Variants in LTBP2 observed in about 807,000 individuals in gnomAD.
The protein encoded by LTBP2 is latent transforming growth factor beta binding protein 2, also known as latent-transforming growth factor beta-binding protein 2.
In LTBP2, 103 loss-of-function variants were observed where a neutral mutation model predicts 210.6. The ratio of observed to expected loss-of-function variants is 0.49; its 90% CI spans 0.42 to 0.58. LTBP2 has a LOEUF of 0.58. LTBP2 is among the 20% of genes least tolerant of loss of function. LTBP2 has a pLI of 0.00. For synonymous variants in LTBP2, 1,007 were observed against 1,015.0 expected (o/e 0.99, Z 0.15); for missense variants, 2,313 against 2,494.5 (o/e 0.93, Z 1.55).
At chr14:74,508,504 C>A (rs1029924414) in intron 24 of LTBP2, 100 bp downstream of exon 24, 66 of 1,533,942 alleles carry the variant, frequency 4.3e-5, no homozygotes, top group Non-Finnish European at 5.8e-5. Context: ...GGACACCACT[C>A]TAGTCTTAGC....
intron 3 of LTBP2, among the ~76,000 whole-genome samples, chr14:74,583,248 T>G (rs889354907): frequency 3.3e-5 from 5 of 152,138 alleles, no homozygotes; most frequent in African/African-American, 1.2e-4. Context: ...CCCCAACTCC[T>G]AGAATGCCCC....
chr14:74,608,169 C>G (rs1301556275), intron 1 of LTBP2, among the ~76,000 whole-genome samples: 1 of 151,892 alleles, frequency 6.6e-6, no homozygotes, highest in East Asian at 1.9e-4. Context: ...ATCCACCCGC[C>G]TCAGCCTCCC....
Position 74,557,716 on chromosome 14 carries a change from A to ACAGTGTATACGTAT in LTBP2, c.831-2024_831-2023insATACGTATACACTG, listed in dbSNP as rs532255421. ...CTCTGTCATTGTCACAATGTCTATG[A>ACAGTGTATACGTAT]ACCACTGTGTATACGACAGTGTCTG... On this transcript the variant is annotated intron_variant, in intron 3 of 35. Coordinates refer to ENST00000261978, the MANE Select transcript of LTBP2 (RefSeq NM_000428.3). Among the ~76,000 whole-genome samples, 348 of 152,234 alleles carry ACAGTGTATACGTAT rather than the reference A, an allele frequency of 2.3e-3. 2 individuals carry two copies. Among genetic ancestry groups the ACAGTGTATACGTAT allele is most frequent in the South Asian group, 0.012 (60 of 4,824 alleles).
chr14:74,512,950 A>C (rs185357778), intron 18 of LTBP2, among the ~76,000 whole-genome samples: 110 of 152,222 alleles, frequency 7.2e-4, no homozygotes, highest in African/African-American at 2.3e-3. Context: ...TTGAAGGAGG[A>C]TGGGCAAAGC....
chr14:74,585,043 T>C (rs1451453263), intron 3 of LTBP2, among the ~76,000 whole-genome samples: 5 of 152,106 alleles, frequency 3.3e-5, no homozygotes, highest in Non-Finnish European at 7.4e-5. Context: ...AAAACTAACC[T>C]GAAAAACGAA....
chr14:74,573,806 A>T (rs1265705322), intron 3 of LTBP2, among the ~76,000 whole-genome samples: 1 of 152,138 alleles, frequency 6.6e-6, no homozygotes, highest in African/African-American at 2.4e-5. Context: ...GCACTTACCT[A>T]TGTGAGCCGG....
chr14:74,509,031 G>A, intron 22 of LTBP2, 79 bp from the exon 23 acceptor site: 4 of 1,597,658 alleles, frequency 2.5e-6, no homozygotes, highest in Middle Eastern at 3.5e-4. Flanking sequence ...AGTCTCCAGA[G>A]GACCTGTCAC....
intron 18 of LTBP2, among the ~76,000 whole-genome samples, chr14:74,515,125 C>T (rs367938435): frequency 6.6e-6 from 1 of 152,168 alleles, no homozygotes; most frequent in Non-Finnish European, 1.5e-5. Flanking sequence ...TTAGCTTATC[C>T]GGTGCTCACA....
Position 74,516,779 on chromosome 14 carries a change from G to C in LTBP2, c.2908+43C>G, listed in dbSNP as rs553423480. 6 of 1,532,310 alleles carry C rather than the reference G, an allele frequency of 3.9e-6. No individual in the cohort carries two copies. In the East Asian group the frequency reaches 9.9e-5, roughly 25 times the overall value. The allele number at this position is 1,532,310 out of a possible 1,614,324, so 94.9% of individuals were successfully genotyped here. Reference sequence around the variant, plus strand: ...GGCAGTGCGTAGGGAGGGACAGGTGGGTGGTGGGGTGGCAGGGCGCTTCCC... The same window carrying C: ...GGCAGTGCGTAGGGAGGGACAGGTGCGTGGTGGGGTGGCAGGGCGCTTCCC... On this transcript the variant is annotated intron_variant, in intron 18 of 35. Transcript: ENST00000261978.
In LTBP2 at chr14:74,503,392, G is replaced by A. The variant is rs575147355; in HGVS notation, c.4721-6C>T. 2 of 1,611,704 alleles carry A rather than the reference G, an allele frequency of 1.2e-6. No individual in the cohort carries two copies. Among genetic ancestry groups the A allele is most frequent in the African/African-American group, 1.3e-5 (1 of 75,044 alleles). On this transcript the variant is annotated splice_polypyrimidine_tract_variant and splice_region_variant and intron_variant, in intron 32 of 35. Coordinates refer to ENST00000261978, the MANE Select transcript of LTBP2 (RefSeq NM_000428.3). The stretch of plus-strand genomic sequence containing the variant: ...GTCGTGGTCAGGGAGGTCCTCTGGT[G>A]GCACAGGGCACGGAGGCACATGAGC...
chr14:74,516,262 C>T (rs1005457144), intron 18 of LTBP2, among the ~76,000 whole-genome samples: 3 of 152,220 alleles, frequency 2.0e-5, no homozygotes, highest in African/African-American at 4.8e-5. Context: ...AGAGCTGGCA[C>T]GAGACAGGCA....
In LTBP2 at chr14:74,506,752, G is replaced by A. The variant is rs758023418; in HGVS notation, c.3979C>T (p.Arg1327Cys). 9.3e-6 allele frequency: 15 copies of A among 1,613,906 alleles called. No individual in the cohort carries two copies. Among genetic ancestry groups the A allele is most frequent in the Admixed American group, 1.7e-5 (1 of 60,016 alleles). ...GFCDNTDGSF[R>C]CLCDQGFEIS... ...TCGAAGCCCTGGTCACAGAGGCAGC[G>A]GAAGGAGCCATCAGTGTTGTCACAG... Residue 1327 changes from arginine to cysteine, a missense_variant, in exon 27 of 36, where the codon CGC becomes TGC. This residue lies in a region of LTBP2 where 1,867 missense variants were observed against 1,976.9 expected (regional missense o/e 0.94). Coordinates refer to ENST00000261978, the MANE Select transcript of LTBP2 (RefSeq NM_000428.3).
chr14:74,611,253 T>A (rs571543386), intron 1 of LTBP2, among the ~76,000 whole-genome samples, 198 bp downstream of exon 1: 1 of 152,350 alleles, frequency 6.6e-6, no homozygotes, highest in East Asian at 1.9e-4. Flanking sequence ...AGGATGATGA[T>A]CTATCTGCCT....
rs764354987 is a variant in LTBP2, at chr14:74,586,024, C to A, written c.660G>T (p.Glu220Asp). The A allele has an allele frequency of 2.5e-6, 4 of 1,605,258 alleles. No homozygotes were observed. The highest frequency in any genetic ancestry group is 1.6e-4 in the Middle Eastern group (1 of 6,068). Reference protein sequence around the residue: ...RSGFRGARCEEVIPDEEFDPQ... With the variant: ...RSGFRGARCEDVIPDEEFDPQ... ...GGTCAAATTCCTCATCGGGAATGAC[C>A]TCCTCGCAGCGGGCTCCACGGAAAC... The change falls in exon 3 of 36, where the codon GAG (glutamate) becomes GAT (aspartate). Residue 220 changes from glutamate (E) to aspartate (D), a missense_variant. Transcript: ENST00000261978. The surrounding 1 kb of genome is among the most constrained non-coding windows in gnomAD (Gnocchi z 4.6).
rs563097395 is a variant in LTBP2, at chr14:74,551,056, G to C, written c.1686+8C>G. The stretch of plus-strand genomic sequence containing the variant: ...CATCCAGGGCTGAGGCCAGAGCTGT[G>C]TTCTCACCTGTCCGTTCACAGTGTT... On this transcript the variant is annotated splice_region_variant and intron_variant, in intron 7 of 35. Coordinates refer to ENST00000261978, the MANE Select transcript of LTBP2 (RefSeq NM_000428.3). The C allele has an allele frequency of 1.2e-5, 19 of 1,613,650 alleles. No individual in the cohort carries two copies. The African/African-American group carries it at 2.5e-4, about 21-fold the overall frequency.
In LTBP2 at chr14:74,503,601, C is replaced by G. The variant is rs751665600; in HGVS notation, c.4588G>C (p.Asp1530His). 7 of 1,613,646 alleles carry G rather than the reference C, an allele frequency of 4.3e-6. No homozygotes were observed. Among genetic ancestry groups the G allele is most frequent in the Non-Finnish European group, 5.1e-6 (6 of 1,180,006 alleles). Reference sequence around the variant, plus strand: ...TCACAGGCCAGGTCCTGGCACTCATCGTGATCTGGGGAGGCAGGAAAGGGT... The same window carrying G: ...TCACAGGCCAGGTCCTGGCACTCATGGTGATCTGGGGAGGCAGGAAAGGGT... ...DASHKKCEDH[D>H]ECQDLACENG... The change falls in exon 32 of 36, where the codon GAT becomes CAT. Residue 1530 changes from aspartate to histidine, a missense_variant. This residue lies in a region of LTBP2 where 443 missense variants were observed against 501.4 expected (regional missense o/e 0.88). Transcript: ENST00000261978.
chr14:74,562,581 A>G (rs2087809538), intron 3 of LTBP2, among the ~76,000 whole-genome samples: 1 of 152,202 alleles, frequency 6.6e-6, no homozygotes. Flanking sequence ...AGAGACCAAC[A>G]GCCTTAAAAG....
chr14:74,572,342 T>C (rs1053704174), intron 3 of LTBP2, among the ~76,000 whole-genome samples: 1 of 139,062 alleles, frequency 7.2e-6, no homozygotes, highest in African/African-American at 2.6e-5. Context: ...AGAGAGAGAG[T>C]GTGTGTGTGT....
At chr14:74,603,584 G>A in intron 2 of LTBP2, 51 bp downstream of exon 2, 2 of 1,578,184 alleles carry the variant, frequency 1.3e-6, no homozygotes, top group Non-Finnish European at 1.7e-6. Flanking sequence ...GTGGGGAATG[G>A]CACTTCACGT....
Sources: gnomAD v4.1 joint callset for allele counts (sites outside exome capture counted in the v4.1 genomes callset) on GRCh38, gnomAD v4.1.1 for gene constraint, gnomAD v4.1.1 regional missense constraint, Gnocchi (gnomAD v3.1) non-coding constraint, MANE v1.5 for transcripts, NCBI Gene and HGNC (gene_info 2026-07-23, HGNC 2026-07-21) for gene names.